Variants in PLCH2 observed in about 807,000 individuals in gnomAD.
The protein encoded by PLCH2 is phospholipase C eta 2, also known as 1-phosphatidylinositol 4,5-bisphosphate phosphodiesterase eta-2.
In PLCH2, 98 loss-of-function variants were observed where a neutral mutation model predicts 134.7. That is an observed-to-expected ratio of 0.73 (90% CI 0.62 to 0.86). The LOEUF is 0.86. Ranked by LOEUF, PLCH2 falls within the 40% of genes least tolerant of loss-of-function variation. The pLI is 0.00. For synonymous variants in PLCH2, 974 were observed against 827.5 expected (o/e 1.18, Z -3.04); for missense variants, 1,994 against 1,986.6 (o/e 1.00, Z -0.07).
chr1:2,503,893 C>T (rs751637058), intron 21 of PLCH2, 29 bp from the exon 22 acceptor site: 21 of 704,918 alleles, frequency 3.0e-5, no homozygotes, highest in Middle Eastern at 2.6e-4. Context: ...CTCCCTCTGG[C>T]TCTCTCTCAC....
chr1:2,474,459 C>T (rs1641507082), upstream of PLCH2, among the ~76,000 whole-genome samples: 1 of 152,170 alleles, frequency 6.6e-6, no homozygotes, highest in Admixed American at 6.5e-5. Context: ...CTGAGGAGGT[C>T]AGGGGGCCTG....
chr1:2,426,558 C>T (rs770835392), intron 1 of PLCH2, among the ~76,000 whole-genome samples: 3 of 152,252 alleles, frequency 2.0e-5, no homozygotes, highest in Non-Finnish European at 2.9e-5. Flanking sequence ...AGTGCTCCCA[C>T]GCTGACCTAG....
chr1:2,444,922 C>T lies in PLCH2; in HGVS notation c.115+14293C>T, dbSNP rs1639871481. ...CTGCCTGGGTGTCTGATCCTAGAGACTCCTTCAGCGAGGTGCAGCCTCAGA... is the reference window on the plus strand; with the variant it reads ...CTGCCTGGGTGTCTGATCCTAGAGATTCCTTCAGCGAGGTGCAGCCTCAGA... On this transcript the variant is annotated intron_variant, in intron 2 of 3. Coordinates refer to the PLCH2 transcript ENST00000609981. The surrounding 1 kb of genome is among the most constrained non-coding windows in gnomAD (Gnocchi z 4.6). Among the ~76,000 whole-genome samples the T allele has an allele frequency of 6.6e-6, 1 of 152,132 alleles. No individual in the cohort carries two copies. Among genetic ancestry groups the T allele is most frequent in the South Asian group, 2.1e-4 (1 of 4,828 alleles).
chr1:2,423,318 G>A (rs1638610919), upstream of PLCH2, among the ~76,000 whole-genome samples: 1 of 152,168 alleles, frequency 6.6e-6, no homozygotes, highest in Non-Finnish European at 1.5e-5. Flanking sequence ...TTCCTGAGTA[G>A]CTGGGACCAC....
chr1:2,428,258 G>C (rs970676731), intron 1 of PLCH2, among the ~76,000 whole-genome samples: 7 of 152,218 alleles, frequency 4.6e-5, no homozygotes, highest in Non-Finnish European at 8.8e-5. Flanking sequence ...TGGGCTCCTG[G>C]GGATCGGCCA....
chr1:2,475,436 C>T (rs1427239867), upstream of PLCH2, among the ~76,000 whole-genome samples: 1 of 152,244 alleles, frequency 6.6e-6, no homozygotes, highest in East Asian at 1.9e-4. Flanking sequence ...GTCTGCCCAC[C>T]TCCCATTCCC....
chr1:2,430,756 C>T (rs1279119032), intron 2 of PLCH2: 2 of 152,400 alleles, frequency 1.3e-5, no homozygotes, highest in African/African-American at 2.4e-5. Flanking sequence ...CCTGATGTCC[C>T]GTGATGTCAC....
At chr1:2,463,821 G>T (rs1160527234), upstream of PLCH2, among the ~76,000 whole-genome samples, 1 of 152,258 alleles carries the variant, frequency 6.6e-6, no homozygotes, top group African/African-American at 2.4e-5. Context: ...GCACCAGCTG[G>T]CCAGGCCCTT....
chr1:2,451,601 G>T (rs1640229440), intron 2 of PLCH2, among the ~76,000 whole-genome samples: 1 of 152,168 alleles, frequency 6.6e-6, no homozygotes, highest in Non-Finnish European at 1.5e-5. Flanking sequence ...CCCTGTGGGA[G>T]TCTGCGCCAT....
At chr1:2,477,524 G>T (rs897879341) in intron 1 of PLCH2, among the ~76,000 whole-genome samples, 1 of 152,180 alleles carries the variant, frequency 6.6e-6, no homozygotes, top group African/African-American at 2.4e-5. Flanking sequence ...TTAGCAGATG[G>T]TACCTCTGGG....
intron 21 of PLCH2, chr1:2,503,264 A>AC: frequency 1.8e-6 from 1 of 559,820 alleles, no homozygotes; most frequent in Non-Finnish European, 3.2e-6. Context: ...GCGGCTGGCG[A>AC]CCTGCATGGC....
intron 19 of PLCH2, 146 bp from the exon 20 acceptor site, chr1:2,499,495 C>G (rs935678120): frequency 1.4e-5 from 10 of 719,518 alleles, no homozygotes; most frequent in Non-Finnish European, 2.1e-5. Context: ...TGGGGTAGTG[C>G]TGGGCCCACA....
At chr1:2,484,990 G>A (rs962168498) in intron 5 of PLCH2, among the ~76,000 whole-genome samples, 1 of 152,086 alleles carries the variant, frequency 6.6e-6, no homozygotes, top group Non-Finnish European at 1.5e-5. Flanking sequence ...TTGGTGTTGA[G>A]CATCTTGTGG....
At chr1:2,484,325 T>G (rs1435502988) in intron 4 of PLCH2, 123 bp from the exon 5 acceptor site, 1 of 892,594 alleles carries the variant, frequency 1.1e-6, no homozygotes, top group African/African-American at 1.7e-5. Flanking sequence ...ACAAGGGCAG[T>G]GGAGTAGAGG....
At chr1:2,429,119 C>A (rs930785416) in intron 1 of PLCH2, among the ~76,000 whole-genome samples, 7 of 151,930 alleles carry the variant, frequency 4.6e-5, no homozygotes, top group African/African-American at 1.7e-4. Context: ...AGGGGCCCTC[C>A]TTCCTGGGGA....
intron 4 of PLCH2, among the ~76,000 whole-genome samples, chr1:2,481,252 G>T (rs1249954213): frequency 2.0e-5 from 3 of 152,248 alleles, no homozygotes; most frequent in Admixed American, 2.0e-4. Flanking sequence ...CACAGGACAG[G>T]GTGTGTGCGT....
chr1:2,484,685 G>A (rs1341261157), intron 5 of PLCH2, 67 bp downstream of exon 5: 6 of 1,550,272 alleles, frequency 3.9e-6, no homozygotes, highest in Non-Finnish European at 4.4e-6. Context: ...TGAGCTTTGA[G>A]CTTCAGTCAG....
chr1:2,475,379 C>T (rs1449743674), upstream of PLCH2, among the ~76,000 whole-genome samples: 3 of 152,232 alleles, frequency 2.0e-5, no homozygotes, highest in Non-Finnish European at 2.9e-5. Flanking sequence ...AGTGTGGTCA[C>T]GAAGCATGGG....
intron 2 of PLCH2, among the ~76,000 whole-genome samples, chr1:2,450,320 C>T (rs1266449292): frequency 1.3e-5 from 2 of 152,076 alleles, no homozygotes; most frequent in South Asian, 2.1e-4. Flanking sequence ...GCGGCCGGTC[C>T]TCTGGGTGCC....
Sources: allele counts gnomAD v4.1 joint callset (sites outside exome capture counted in the v4.1 genomes callset), GRCh38; gene constraint gnomAD v4.1.1; non-coding constraint Gnocchi (gnomAD v3.1); transcripts MANE v1.5; gene names NCBI Gene and HGNC (gene_info 2026-07-23, HGNC 2026-07-21).